RIN1: variants seen among roughly 807,000 people sequenced by gnomAD.
RIN1 encodes the protein Ras and Rab interactor 1.
RIN1 carries 52 observed loss-of-function variants against 64.9 expected under a neutral mutation model. That is an observed-to-expected ratio of 0.80 (90% CI 0.64 to 1.01). RIN1 has a LOEUF of 1.01. Among genes scored for constraint, RIN1 ranks in the 50% least tolerant of loss-of-function variants. The pLI is 0.00. For synonymous variants in RIN1, 486 were observed against 483.6 expected, an observed-to-expected ratio of 1.00 and a Z score of -0.06; for missense variants, 1,040 against 1,064.5, an observed-to-expected ratio of 0.98 and a Z score of 0.32.
chr11:66,335,797 A>G lies in RIN1; in HGVS notation c.347T>C (p.Phe116Ser), dbSNP rs1464722328. Residue 116 changes from phenylalanine (F) to serine (S), a missense_variant, in exon 3 of 10, where the codon TTC (phenylalanine) becomes TCC (serine). By Grantham distance (155) the Phe-to-Ser change is radical. Transcript: ENST00000311320. ...MRLPEASGPS[F>S]VSSHYILESP... ...CTCCAGGATGTAGTGGCTGGAGACG[A>G]AGGAGGGGCCACTGGCTTCAGGCAA... 1 of 1,610,884 alleles carries G rather than the reference A, an allele frequency of 6.2e-7. No homozygotes were observed. The highest frequency in any genetic ancestry group is 8.5e-7 in the Non-Finnish European group (1 of 1,177,866).
In RIN1 at chr11:66,333,283, C is replaced by A; in HGVS notation, c.1850G>T (p.Arg617Leu). The stretch of plus-strand genomic sequence containing the variant: ...CTGGAAGCAGTGGGTGGCAGGCAGG[C>A]GGCGCTGCTCCCAGAGGCTGAGGGA... The part of the protein sequence containing the change: ...RRSLSLWEQR[R>L]LPATHCFQHL... Residue 617 changes from arginine (R) to leucine (L), a missense_variant, in exon 9 of 10, where the codon CGC becomes CTC. Coordinates refer to ENST00000311320, the MANE Select transcript of RIN1 (RefSeq NM_004292.3). 3.7e-6 allele frequency: 6 copies of A among 1,611,284 alleles called. No homozygotes were observed. Among genetic ancestry groups the A allele is most frequent in the Non-Finnish European group, 5.1e-6 (6 of 1,179,964 alleles).
rs1854891033 is a variant in RIN1 at position 66,336,069 on chromosome 11, C to T, written c.176G>A (p.Arg59Gln). The T allele has an allele frequency of 2.7e-6, 4 of 1,462,758 alleles. No homozygotes were observed. The highest frequency in any genetic ancestry group is 2.5e-5 in the East Asian group (1 of 39,962). 90.6% of individuals were successfully genotyped at this position (1,462,758 alleles called of 1,614,324 possible). A position where few individuals can be genotyped will look rare whatever the true frequency, so the allele number is the denominator to read the frequency against. Residue 59 changes from arginine to glutamine, a missense_variant, in exon 2 of 10, where the codon CGG becomes CAG. By Grantham distance (43) the Arg-to-Gln change is conservative (BLOSUM62 1). Coordinates refer to ENST00000311320, the MANE Select transcript of RIN1 (RefSeq NM_004292.3). Reference protein sequence around the residue: ...PQRPGRVVSLRERLLLTRPVW... With the variant: ...PQRPGRVVSLQERLLLTRPVW... ...GGGCCGGGTGAGCAGCAGGCGCTCCCGCAGGCTCACAACGCGCCCCGGCCG... is the reference window on the plus strand; with the variant it reads ...GGGCCGGGTGAGCAGCAGGCGCTCCTGCAGGCTCACAACGCGCCCCGGCCG...
Position 66,333,964 on chromosome 11 carries a change from G to A in RIN1, c.1546C>T (p.Leu516=). ...ATGTAGAGCAGCTTGCAGGCCTGCA[G>A]GAGCCGCTTGACCTGGGCGCTGGGT... ...YSPSAQVKRL[L]QACKLLYMAL... The change falls in exon 7 of 10, where the codon CTG becomes TTG. Residue 516 remains leucine (L), a synonymous_variant. Coordinates refer to ENST00000311320, the MANE Select transcript of RIN1 (RefSeq NM_004292.3). The A allele has an allele frequency of 1.3e-6, 2 of 1,557,780 alleles. No individual in the cohort carries two copies. The highest frequency in any genetic ancestry group is 1.7e-6 in the Non-Finnish European group (2 of 1,151,712).
Position 66,335,595 on chromosome 11 carries a change from T to G in RIN1, c.455+15A>C, listed in dbSNP as rs1854867195. 20 of 1,613,522 alleles carry G rather than the reference T, an allele frequency of 1.2e-5. No homozygotes were observed. The highest frequency in any genetic ancestry group is 1.7e-5 in the Non-Finnish European group (20 of 1,179,734). ...CAGGGCCCGTGGACACCAGGCACCC[T>G]GCGGGCAGACTCACCGGGTGTGGCA... is the stretch of plus-strand genomic sequence containing the variant. On this transcript the variant is annotated intron_variant, in intron 4 of 9. Transcript: ENST00000311320.
chr11:66,334,336 G>A lies in RIN1; in HGVS notation c.1286-112C>T, dbSNP rs961736714. On this transcript the variant is annotated intron_variant, in intron 6 of 9. Coordinates refer to ENST00000311320, the MANE Select transcript of RIN1 (RefSeq NM_004292.3). The stretch of plus-strand genomic sequence containing the variant: ...GGAGGAGAGGCAAGGAAAGCAGGAG[G>A]AGGTAGCCTGGGTGAGACGGAAGAG... 16 of 1,228,726 alleles carry A rather than the reference G, an allele frequency of 1.3e-5. No individual in the cohort carries two copies. The African/African-American group carries it at 1.5e-4, about 12-fold the overall frequency. The allele number at this position is 1,228,726 out of a possible 1,614,324, so 76.1% of individuals were successfully genotyped here.
At position 66,334,994 on chromosome 11, in the gene RIN1, C is replaced by G. The variant is rs141270180; in HGVS notation, c.805G>C (p.Val269Leu). 2.6e-6 allele frequency: 4 copies of G among 1,548,872 alleles called. No homozygotes were observed. Among genetic ancestry groups the G allele is most frequent in the Non-Finnish European group, 3.5e-6 (4 of 1,149,010 alleles). Reference protein sequence around the residue: ...PPAVPPPPVPVLPGAVPSQTE... With the variant: ...PPAVPPPPVPLLPGAVPSQTE... ...TGGCTGGGGACTGCCCCTGGCAGCA[C>G]GGGGACGGGGGGAGGTGGCACGGCA... The change falls in exon 6 of 10, where the codon GTG (valine) becomes CTG (leucine). Residue 269 changes from valine to leucine, a missense_variant. Coordinates refer to ENST00000311320, the MANE Select transcript of RIN1 (RefSeq NM_004292.3).
At position 66,335,122 on chromosome 11, in the gene RIN1, T is replaced by A; in HGVS notation, c.677A>T (p.Asn226Ile). ...CCCTAGGTCCCCCGGGAACAGGGGG[T>A]TGAAGAAGCACAAGGCGGCTCCGGT... ...QGTGAALCFF[N>I]PLFPGDLGPT... The change falls in exon 6 of 10, where the codon AAC (asparagine) becomes ATC (isoleucine). Residue 226 changes from asparagine to isoleucine, a missense_variant. Transcript: ENST00000311320. 1 of 1,536,198 alleles carries A rather than the reference T, an allele frequency of 6.5e-7. No homozygotes were observed.
chr11:66,331,735 G>C lies in RIN1; in HGVS notation c.*541C>G, dbSNP rs545946005. 6.4e-6 allele frequency: 1 copy of C among 157,442 alleles called. No individual in the cohort carries two copies. Among genetic ancestry groups the C allele is most frequent in the South Asian group, 1.9e-4 (1 of 5,164 alleles). The allele number at this position is 157,442 out of a possible 1,614,324, so 9.8% of individuals were successfully genotyped here. A position where few individuals can be genotyped will look rare whatever the true frequency, so the allele number is the denominator to read the frequency against. On this transcript the variant is annotated 3_prime_UTR_variant, in exon 10 of 10. Coordinates refer to ENST00000311320, the MANE Select transcript of RIN1 (RefSeq NM_004292.3). ...TAGTGTCCCCACTTTACAGATGAGA[G>C]TACTGAGGCTTGCAGGTGCAGGTCC...
upstream of RIN1, chr11:66,336,678 C>T: frequency 2.2e-6 from 1 of 452,286 alleles, no homozygotes; most frequent in Non-Finnish European, 4.0e-6. Flanking sequence ...ACTCACATTG[C>T]ACACGTGGGC....
In RIN1 at chr11:66,335,989, C is replaced by T. The variant is rs370034668; in HGVS notation, c.256G>A (p.Glu86Lys). The T allele has an allele frequency of 5.6e-5, 83 of 1,474,950 alleles. No individual in the cohort carries two copies. Among genetic ancestry groups the T allele is most frequent in the East Asian group, 1.2e-4 (5 of 42,166 alleles). The allele number at this position is 1,474,950 out of a possible 1,614,324, so 91.4% of individuals were successfully genotyped here. A position where few individuals can be genotyped will look rare whatever the true frequency, so the allele number is the denominator to read the frequency against. ...GGGGCAAGACTCACCCCCGGGGGCT[C>T]GGTCCTCAGCATGTGCAGTGCGGCC... ...AAAALHMLRT[E>K]PPGTFLVRKS... Residue 86 changes from glutamate to lysine, a missense_variant, in exon 2 of 10, where the codon GAG becomes AAG. Physicochemically the swap from Glu to Lys is moderately conservative, Grantham distance 56 (BLOSUM62 1). Coordinates refer to ENST00000311320, the MANE Select transcript of RIN1 (RefSeq NM_004292.3).
At chr11:66,333,478 T>G in intron 8 of RIN1, 49 bp downstream of exon 8, 1 of 1,608,696 alleles carries the variant, frequency 6.2e-7, no homozygotes. Context: ...TCCCCTTCCC[T>G]GCTTATTCAG....
At position 66,334,581 on chromosome 11, in the gene RIN1, C is replaced by A. The variant is rs780118610; in HGVS notation, c.1218G>T (p.Leu406=). ...CACTCAGCATGGCCCGGGCCCGGCT[C>A]AGCGCCTGACGGATGCCCTGCAGCT... ...PQELQGIRQA[L]SRARAMLSAE... is the part of the protein sequence containing the mutation. The change falls in exon 6 of 10, where the codon CTG becomes CTT. Residue 406 remains leucine, a synonymous_variant. Transcript: ENST00000311320. The A allele has an allele frequency of 2.1e-5, 34 of 1,584,206 alleles. No homozygotes were observed. In the South Asian group the frequency reaches 3.5e-4, roughly 16 times the overall value.
rs756792538 is a variant in RIN1, at chr11:66,334,092, C to T, written c.1418G>A (p.Arg473Gln). ...GRLAEGLRLA[R>Q]AQGPGAFGSH... ...CCCGAAGGCTCCGGGGCCCTGGGCCCGGGCCAGGCGGAGGCCCTCAGCTAG... is the reference window on the plus strand; with the variant it reads ...CCCGAAGGCTCCGGGGCCCTGGGCCTGGGCCAGGCGGAGGCCCTCAGCTAG... The change falls in exon 7 of 10, where the codon CGG becomes CAG. Residue 473 changes from arginine to glutamine, a missense_variant. Transcript: ENST00000311320. 2.5e-5 allele frequency: 39 copies of T among 1,559,848 alleles called. No homozygotes were observed. The highest frequency in any genetic ancestry group is 1.8e-4 in the Middle Eastern group (1 of 5,660).
chr11:66,336,280 C>A, intron 1 of RIN1, 37 bp downstream of exon 1: 1 of 1,574,184 alleles, frequency 6.4e-7, no homozygotes, highest in Non-Finnish European at 8.6e-7. Flanking sequence ...CGCAGCCCCT[C>A]CCTGCCCCAC....
At position 66,335,223 on chromosome 11, in the gene RIN1, C is replaced by A. The variant is rs202131583; in HGVS notation, c.576G>T (p.Lys192Asn). 1.3e-5 allele frequency: 20 copies of A among 1,576,582 alleles called. No individual in the cohort carries two copies. The East Asian group carries it at 4.5e-4, about 35-fold the overall frequency. Residue 192 changes from lysine (K) to asparagine (N), a missense_variant, in exon 6 of 10, where the codon AAG becomes AAT. Coordinates refer to ENST00000311320, the MANE Select transcript of RIN1 (RefSeq NM_004292.3). ...IEFWSSSLNI[K>N]AQRGPAGGPV... ...GGCCTCCAGCCGGGCCCCGCTGAGC[C>A]TTGATGTTGAGGGAGGAGCTCCAGA...
chr11:66,332,229 C>T lies in RIN1; in HGVS notation c.*47G>A, dbSNP rs1854749639. On this transcript the variant is annotated 3_prime_UTR_variant, in exon 10 of 10. Transcript: ENST00000311320. ...TGCTGGCGCTAAAAGGATTTCTCAG[C>T]AGGCTCAGGGTCTCCCGCCCCGAAT... is the stretch of plus-strand genomic sequence containing the variant. 2 of 1,563,464 alleles carry T rather than the reference C, an allele frequency of 1.3e-6. No individual in the cohort carries two copies. The highest frequency in any genetic ancestry group is 3.3e-5 in the Admixed American group (2 of 59,878).
In RIN1 at chr11:66,333,942, T is replaced by C. The variant is rs770386874; in HGVS notation, c.1568A>G (p.Tyr523Cys). Residue 523 changes from tyrosine (Y) to cysteine (C), a missense_variant, in exon 7 of 10, where the codon TAC becomes TGC. Coordinates refer to ENST00000311320, the MANE Select transcript of RIN1 (RefSeq NM_004292.3). Reference protein sequence around the residue: ...KRLLQACKLLYMALRTQEGEG... With the variant: ...KRLLQACKLLCMALRTQEGEG... ...ACCTTCCTGGGTCCTCAGGGCCATG[T>C]AGAGCAGCTTGCAGGCCTGCAGGAG... The C allele has an allele frequency of 3.9e-6, 6 of 1,550,198 alleles. No individual in the cohort carries two copies. The highest frequency in any genetic ancestry group is 2.7e-5 in the African/African-American group (2 of 73,448).
At position 66,335,687 on chromosome 11, in the gene RIN1, G is replaced by T. The variant is rs748534666; in HGVS notation, c.383-5C>A. Reference sequence around the variant, plus strand: ...CCGAGCCCTCCAAGGAGACGCCTGAGAGAGGAGGGAAGTGAGGTGCTTCTC... The same window carrying T: ...CCGAGCCCTCCAAGGAGACGCCTGATAGAGGAGGGAAGTGAGGTGCTTCTC... On this transcript the variant is annotated splice_region_variant and splice_polypyrimidine_tract_variant and intron_variant, in intron 3 of 9. Transcript: ENST00000311320. The T allele has an allele frequency of 1.2e-6, 2 of 1,613,140 alleles. No individual in the cohort carries two copies. The highest frequency in any genetic ancestry group is 2.2e-5 in the South Asian group (2 of 90,872).
In RIN1 at chr11:66,332,516, C is replaced by G; in HGVS notation, c.2112G>C (p.Ala704=). Residue 704 remains alanine (A), a synonymous_variant, in exon 10 of 10, where the codon GCG becomes GCC. Coordinates refer to ENST00000311320, the MANE Select transcript of RIN1 (RefSeq NM_004292.3). The stretch of plus-strand genomic sequence containing the variant: ...CAGCCCCCTGGGTCTCAGGCCACTC[C>G]GCCCGGCGGTAGACGAGGTAGCCAG... The part of the protein sequence containing the change: ...PTTGYLVYRR[A]EWPETQGAVT... 6.2e-7 allele frequency: 1 copy of G among 1,613,946 alleles called. No individual in the cohort carries two copies. Among genetic ancestry groups the G allele is most frequent in the Non-Finnish European group, 8.5e-7 (1 of 1,179,970 alleles).
Sources: gnomAD v4.1 joint callset for allele counts on GRCh38, gnomAD v4.1.1 for gene constraint, MANE v1.5 for transcripts, NCBI Gene and HGNC (gene_info 2026-07-23, HGNC 2026-07-21) for gene names.